The following PTPRT variants were observed in gnomAD, a reference collection of about 807,000 sequenced individuals.
PTPRT encodes protein tyrosine phosphatase receptor type T.
Under a neutral mutation model 176.8 loss-of-function variants are expected in PTPRT, and 56 were observed. That is an observed-to-expected ratio of 0.32 (90% CI 0.26 to 0.40). The LOEUF is 0.40. PTPRT is among the 10% of genes least tolerant of loss of function. The pLI is 1.00. For missense variants in PTPRT, 1,540 were observed against 1,908.2 expected, an observed-to-expected ratio of 0.81 and a Z score of 3.60; for synonymous variants, 783 against 739.0, an observed-to-expected ratio of 1.06 and a Z score of -0.96.
intron 13 of PTPRT, among the ~76,000 whole-genome samples, chr20:42,253,833 A>G (rs2056589903): frequency 6.6e-6 from 1 of 152,074 alleles, no homozygotes; most frequent in Admixed American, 6.5e-5. Context: ...AGCTCTGAGC[A>G]CTCCCAAAGG....
chr20:42,474,276 C>T (rs1205166264), intron 7 of PTPRT, among the ~76,000 whole-genome samples: 3 of 152,170 alleles, frequency 2.0e-5, no homozygotes, highest in Non-Finnish European at 4.4e-5. Flanking sequence ...GCTACCTCTG[C>T]ACCAATGCAG....
At chr20:42,730,964 C>G (rs1184851267) in intron 6 of PTPRT, among the ~76,000 whole-genome samples, 2 of 152,098 alleles carry the variant, frequency 1.3e-5, no homozygotes, top group East Asian at 3.9e-4. Flanking sequence ...ATACAGCTTT[C>G]CCAAATAAAT....
In PTPRT at chr20:42,079,638, C is replaced by T. The variant is rs1166325180; in HGVS notation, c.*1241G>A. On this transcript the variant is annotated 3_prime_UTR_variant, in exon 31 of 31. Transcript: ENST00000373187. Reference sequence around the variant, plus strand: ...TGGACAAGACCCTAGATCTCCAGGCCTGATTCTCTTGGCCTATTTTAAATC... The same window carrying T: ...TGGACAAGACCCTAGATCTCCAGGCTTGATTCTCTTGGCCTATTTTAAATC... The T allele has an allele frequency of 4.4e-6, 1 of 227,944 alleles. No individual in the cohort carries two copies. The highest frequency in any genetic ancestry group is 6.3e-5 in the East Asian group (1 of 15,940). 14.1% of individuals were successfully genotyped at this position (227,944 alleles called of 1,614,324 possible). A position where few individuals can be genotyped will look rare whatever the true frequency, so the allele number is the denominator to read the frequency against.
At chr20:43,124,303 C>T (rs2013366272) in intron 1 of PTPRT, among the ~76,000 whole-genome samples, 1 of 152,176 alleles carries the variant, frequency 6.6e-6, no homozygotes, top group South Asian at 2.1e-4. Context: ...ATTTCACAAC[C>T]GAGCTTTGTA....
intron 20 of PTPRT, among the ~76,000 whole-genome samples, chr20:42,119,420 T>C (rs751450219): frequency 7.2e-5 from 11 of 152,296 alleles, no homozygotes; most frequent in East Asian, 1.9e-4. Context: ...ATATGCGTCA[T>C]TGTCTATATA....
rs1192318019 is a variant in PTPRT at position 42,080,632 on chromosome 20, G to T, written c.*247C>A. 2 of 372,998 alleles carry T rather than the reference G, an allele frequency of 5.4e-6. No individual in the cohort carries two copies. The highest frequency in any genetic ancestry group is 4.9e-6 in the Non-Finnish European group (1 of 202,316). 23.1% of individuals were successfully genotyped at this position (372,998 alleles called of 1,614,324 possible). A position where few individuals can be genotyped will look rare whatever the true frequency, so the allele number is the denominator to read the frequency against. ...CTTGCTTGTGGGTGTACTTCTGCTTGGGCCCTTGGCTGTGGCTGGTTAGGT... is the reference window on the plus strand; with the variant it reads ...CTTGCTTGTGGGTGTACTTCTGCTTTGGCCCTTGGCTGTGGCTGGTTAGGT... On this transcript the variant is annotated 3_prime_UTR_variant, in exon 31 of 31. Coordinates refer to ENST00000373187, the MANE Select transcript of PTPRT (RefSeq NM_007050.6).
intron 7 of PTPRT, among the ~76,000 whole-genome samples, chr20:42,619,839 C>T (rs1391823054): frequency 7.7e-6 from 1 of 129,532 alleles, no homozygotes; most frequent in Non-Finnish European, 1.6e-5. Flanking sequence ...GTTATACATT[C>T]TTCTAAATTT....
In PTPRT at chr20:42,861,181, C is replaced by T. The variant is rs979377486; in HGVS notation, c.214+24626G>A. Among the ~76,000 whole-genome samples, 8 of 152,298 alleles carry T rather than the reference C, an allele frequency of 5.3e-5. No individual in the cohort carries two copies. In the East Asian group the frequency reaches 1.5e-3, roughly 29 times the overall value. ...GTCAAGCAATCCCTTAACACTTTAG[C>T]ACCATTTCTATTTCCTACCATTGCC... On this transcript the variant is annotated intron_variant, in intron 2 of 30. Coordinates refer to ENST00000373187, the MANE Select transcript of PTPRT (RefSeq NM_007050.6).
In PTPRT at chr20:42,930,108, T is replaced by C. The variant is rs568533596; in HGVS notation, c.89-44176A>G. 1.3e-4 allele frequency among the ~76,000 whole-genome samples: 20 copies of C among 152,294 alleles called. No individual in the cohort carries two copies. The East Asian group carries it at 2.3e-3, about 18-fold the overall frequency. On this transcript the variant is annotated intron_variant, in intron 1 of 30. Coordinates refer to ENST00000373187, the MANE Select transcript of PTPRT (RefSeq NM_007050.6). The stretch of plus-strand genomic sequence containing the variant: ...ATAATCTCTCCGGACTAGTTTCTGA[T>C]AAAGGAGGGAAGAGGACAGGGAAAG...
intron 9 of PTPRT, among the ~76,000 whole-genome samples, chr20:42,355,250 G>A (rs1008896817): frequency 2.0e-5 from 3 of 152,136 alleles, no homozygotes; most frequent in Admixed American, 6.5e-5. Flanking sequence ...TTCCCTGAGA[G>A]GCTCAGCTCC....
At chr20:42,483,074 G>A (rs1030575734) in intron 7 of PTPRT, among the ~76,000 whole-genome samples, 12 of 152,324 alleles carry the variant, frequency 7.9e-5, no homozygotes, top group Admixed American at 7.8e-4. Flanking sequence ...GGCAAGCTAT[G>A]TACAGTAGTC....
intron 1 of PTPRT, among the ~76,000 whole-genome samples, chr20:43,124,444 ACCAAG>A (rs1745410083): frequency 6.6e-6 from 1 of 152,170 alleles, no homozygotes; most frequent in Admixed American, 6.6e-5. Flanking sequence ...CTCGGGAGGA[ACCAAG>A]GCCAGGAAAT....
chr20:42,571,934 C>G (rs1188192595), intron 7 of PTPRT, among the ~76,000 whole-genome samples: 2 of 152,198 alleles, frequency 1.3e-5, no homozygotes, highest in Admixed American at 1.3e-4. Context: ...CTCATTAACA[C>G]CTGAGTTAGA....
chr20:42,510,124 T>C (rs1238692486), intron 7 of PTPRT, among the ~76,000 whole-genome samples: 1 of 152,086 alleles, frequency 6.6e-6, no homozygotes, highest in African/African-American at 2.4e-5. Flanking sequence ...TACTTCTAAT[T>C]TGGTTTTATG....
At chr20:42,204,131 T>G (rs935716726) in intron 15 of PTPRT, among the ~76,000 whole-genome samples, 1 of 152,186 alleles carries the variant, frequency 6.6e-6, no homozygotes, top group Non-Finnish European at 1.5e-5. Flanking sequence ...AGGAAACGCC[T>G]GCATAAAATT....
intron 16 of PTPRT, among the ~76,000 whole-genome samples, chr20:42,164,679 C>T (rs760097031): frequency 6.6e-6 from 1 of 152,184 alleles, no homozygotes; most frequent in Non-Finnish European, 1.5e-5. Context: ...TCACAACTCA[C>T]TTCTCTCAGG....
chr20:42,365,343 G>T (rs2058498768), intron 9 of PTPRT, among the ~76,000 whole-genome samples: 2 of 152,034 alleles, frequency 1.3e-5, no homozygotes, highest in South Asian at 4.2e-4. Flanking sequence ...GACTTTCTGT[G>T]TTGTACCCCT....
chr20:42,686,801 C>G (rs545839720), intron 6 of PTPRT, among the ~76,000 whole-genome samples: 22 of 152,086 alleles, frequency 1.4e-4, no homozygotes, highest in South Asian at 4.1e-4. Flanking sequence ...CCATAGTGCA[C>G]TCTTTAAGGG....
At chr20:42,880,183 C>T (rs2078993434) in intron 2 of PTPRT, among the ~76,000 whole-genome samples, 1 of 152,058 alleles carries the variant, frequency 6.6e-6, no homozygotes, top group Admixed American at 6.5e-5. Context: ...GAGAAAGCAG[C>T]AGCAGAATCA....
Sources: allele counts gnomAD v4.1 joint callset (sites outside exome capture counted in the v4.1 genomes callset), GRCh38; gene constraint gnomAD v4.1.1; transcripts MANE v1.5; gene names NCBI Gene and HGNC (gene_info 2026-07-23, HGNC 2026-07-21).